The following CCR3 variants were observed in gnomAD, a reference collection of about 807,000 sequenced individuals.
CCR3 encodes the protein C-C chemokine receptor type 3.
For missense variants in CCR3, 419 were observed against 437.5 expected (o/e 0.96, Z 0.38); for synonymous variants, 203 against 179.2 (o/e 1.13, Z -1.06).
rs547795516 is a variant in CCR3 at position 46,254,708 on chromosome 3, C to G, written c.-11-10440C>G. Among the ~76,000 whole-genome samples, 9 of 152,284 alleles carry G rather than the reference C, an allele frequency of 5.9e-5. No homozygotes were observed. In the South Asian group the frequency reaches 1.9e-3, roughly 32 times the overall value. On this transcript the variant is annotated intron_variant, in intron 1 of 1. Coordinates refer to ENST00000395940, the MANE Select transcript of CCR3 (RefSeq NM_178329.3). ...ATGCCTTTGCATCCTCACATCTTAG[C>G]TCTCACTTATGAGTGACAATGTACA...
chr3:46,225,722 T>G (rs1215010778), intron 2 of CCR3, among the ~76,000 whole-genome samples: 3 of 152,244 alleles, frequency 2.0e-5, no homozygotes, highest in Admixed American at 2.0e-4. Flanking sequence ...TTCAGTGATA[T>G]GTCTGTGCAT....
chr3:46,254,000 T>C (rs983757328), intron 1 of CCR3, among the ~76,000 whole-genome samples: 3 of 152,160 alleles, frequency 2.0e-5, no homozygotes, highest in African/African-American at 7.2e-5. Context: ...AGTATTGACA[T>C]AGAAAGATTT....
intron 1 of CCR3, among the ~76,000 whole-genome samples, chr3:46,242,959 A>ATGTG (rs765636320): frequency 2.4e-5 from 3 of 124,024 alleles, no homozygotes; most frequent in Non-Finnish European, 5.0e-5. Flanking sequence ...TTACATATAT[A>ATGTG]TGTGTATATA....
intron 2 of CCR3, among the ~76,000 whole-genome samples, chr3:46,236,351 G>A (rs576086327): frequency 3.3e-5 from 5 of 152,242 alleles, no homozygotes; most frequent in Non-Finnish European, 7.3e-5. Flanking sequence ...GCTGCTGAGA[G>A]CTGCCCTCAC....
intron 1 of CCR3, among the ~76,000 whole-genome samples, chr3:46,262,064 C>G (rs1054014556): frequency 2.6e-5 from 4 of 152,190 alleles, no homozygotes; most frequent in African/African-American, 9.7e-5. Flanking sequence ...CCACTCTGCC[C>G]CATGTCTCAA....
intron 2 of CCR3, among the ~76,000 whole-genome samples, chr3:46,217,616 C>T (rs1000317671): frequency 1.1e-4 from 17 of 151,894 alleles, no homozygotes; most frequent in Non-Finnish European, 1.8e-4. Context: ...TCAAGTACTC[C>T]GTCAGACCAC....
At chr3:46,233,049 T>A (rs1055911276) in intron 2 of CCR3, among the ~76,000 whole-genome samples, 2 of 152,218 alleles carry the variant, frequency 1.3e-5, no homozygotes, top group Non-Finnish European at 2.9e-5. Flanking sequence ...GCCAGGCTGG[T>A]CTCGAACTCC....
rs771783895 is a variant in CCR3, at chr3:46,265,907, T to A, written c.749T>A (p.Ile250Asn). 6.2e-7 allele frequency: 1 copy of A among 1,614,146 alleles called. No homozygotes were observed. The highest frequency in any genetic ancestry group is 1.7e-5 in the Admixed American group (1 of 60,020). ...TTTGTCATCATGGCGGTGTTTTTCA[T>A]TTTCTGGACACCCTACAATGTGGCT... ...LIFVIMAVFF[I>N]FWTPYNVAIL... Residue 250 changes from isoleucine (I) to asparagine (N), a missense_variant, in exon 2 of 2, where the codon ATT becomes AAT. Ile to Asn is a moderately radical substitution (Grantham distance 149). Transcript: ENST00000395940.
At chr3:46,221,078 T>G (rs554497848) in intron 2 of CCR3, among the ~76,000 whole-genome samples, 5 of 152,374 alleles carry the variant, frequency 3.3e-5, no homozygotes, top group African/African-American at 1.2e-4. Flanking sequence ...TATGGTTACC[T>G]AAACTCTGTT....
Position 46,265,621 on chromosome 3 carries a change from AT to A in CCR3, c.464del (p.Ile155ThrfsTer9). ...RTVTFGVITS[I>X]VTWGLAVLAA... Reference sequence around the variant, plus strand: ...TGTCACTTTTGGTGTCATCACCAGCATCGTCACCTGGGGCCTGGCAGTGCTA... The same window carrying A: ...TGTCACTTTTGGTGTCATCACCAGCACGTCACCTGGGGCCTGGCAGTGCTA... On this transcript the variant is annotated frameshift_variant, in exon 2 of 2. Transcript: ENST00000395940. LOFTEE classifies it low-confidence loss of function (END_TRUNC). The A allele has an allele frequency of 1.9e-6, 3 of 1,614,158 alleles. No individual in the cohort carries two copies. The highest frequency in any genetic ancestry group is 2.5e-6 in the Non-Finnish European group (3 of 1,180,022).
At position 46,265,928 on chromosome 3, in the gene CCR3, T is replaced by C; in HGVS notation, c.770T>C (p.Val257Ala). 1 of 1,614,166 alleles carries C rather than the reference T, an allele frequency of 6.2e-7. No individual in the cohort carries two copies. Among genetic ancestry groups the C allele is most frequent in the Non-Finnish European group, 8.5e-7 (1 of 1,180,016 alleles). The change falls in exon 2 of 2, where the codon GTG becomes GCG. Residue 257 changes from valine (V) to alanine (A), a missense_variant. Physicochemically the swap from Val to Ala is moderately conservative, Grantham distance 64. Transcript: ENST00000395940. ...TTCATTTTCTGGACACCCTACAATG[T>C]GGCTATCCTTCTCTCTTCCTATCAA... is the stretch of plus-strand genomic sequence containing the variant. ...VFFIFWTPYNVAILLSSYQSI... is the reference protein window; with the variant it reads ...VFFIFWTPYNAAILLSSYQSI...
chr3:46,265,499 A>T lies in CCR3; in HGVS notation c.341A>T (p.His114Leu). The part of the protein sequence containing the change: ...GMCKLLSGFY[H>L]TGLYSEIFFI... Reference sequence around the variant, plus strand: ...TGTAAGCTCCTCTCAGGGTTTTATCACACAGGCTTGTACAGCGAGATCTTT... The same window carrying T: ...TGTAAGCTCCTCTCAGGGTTTTATCTCACAGGCTTGTACAGCGAGATCTTT... Residue 114 changes from histidine (H) to leucine (L), a missense_variant, in exon 2 of 2, where the codon CAC becomes CTC. Transcript: ENST00000395940. 6.2e-7 allele frequency: 1 copy of T among 1,614,120 alleles called. No individual in the cohort carries two copies. The highest frequency in any genetic ancestry group is 8.5e-7 in the Non-Finnish European group (1 of 1,180,006).
chr3:46,256,375 T>C (rs1453508516), intron 1 of CCR3, among the ~76,000 whole-genome samples: 5 of 151,986 alleles, frequency 3.3e-5, no homozygotes, highest in African/African-American at 1.2e-4. Context: ...CAATCCTGAA[T>C]GCCATAATCC....
chr3:46,230,608 A>G (rs1699951337), intron 2 of CCR3, among the ~76,000 whole-genome samples: 1 of 151,690 alleles, frequency 6.6e-6, no homozygotes, highest in Non-Finnish European at 1.5e-5. Flanking sequence ...AAAGAAATGC[A>G]CTCATCTCCC....
chr3:46,230,611 C>G (rs1345099359), intron 2 of CCR3, among the ~76,000 whole-genome samples: 1 of 152,144 alleles, frequency 6.6e-6, no homozygotes, highest in Non-Finnish European at 1.5e-5. Context: ...GAAATGCACT[C>G]ATCTCCCAGG....
intron 1 of CCR3, among the ~76,000 whole-genome samples, chr3:46,251,805 G>A (rs1700318983): frequency 6.6e-6 from 1 of 152,086 alleles, no homozygotes; most frequent in South Asian, 2.1e-4. Flanking sequence ...AGGCAGGAGT[G>A]GGGGTCACAA....
At chr3:46,239,492 T>G (rs550657267), upstream of CCR3, among the ~76,000 whole-genome samples, 1 of 152,334 alleles carries the variant, frequency 6.6e-6, no homozygotes, top group Admixed American at 6.5e-5. Context: ...TCAGGAAGGC[T>G]ACATGACTCA....
At chr3:46,222,068 C>G (rs1363819929) in intron 2 of CCR3, among the ~76,000 whole-genome samples, 5 of 152,222 alleles carry the variant, frequency 3.3e-5, no homozygotes, top group African/African-American at 1.2e-4. Context: ...GATAGGCAGG[C>G]CTCCCAGGCT....
rs147949295 is a variant in CCR3 at position 46,229,254 on chromosome 3, C to A, written c.-67-13148C>A. Among the ~76,000 whole-genome samples, 590 of 152,260 alleles carry A rather than the reference C, an allele frequency of 3.9e-3. 2 individuals carry two copies. The highest frequency in any genetic ancestry group is 0.013 in the African/African-American group (550 of 41,540). On this transcript the variant is annotated intron_variant, in intron 2 of 3. Coordinates refer to the CCR3 transcript ENST00000357422. ...TATGTTGTGATCTCAGATGCTAACT[C>A]TTGTGATATCAGAATCACAATATGA... is the stretch of plus-strand genomic sequence containing the variant.
Sources: gnomAD v4.1 joint callset for allele counts (sites outside exome capture counted in the v4.1 genomes callset) on GRCh38, gnomAD v4.1.1 for gene constraint, MANE v1.5 for transcripts, NCBI Gene and HGNC (gene_info 2026-07-23, HGNC 2026-07-21) for gene names.